Variants in SGCZ observed in about 807,000 individuals in gnomAD.
SGCZ encodes zeta-sarcoglycan.
In SGCZ, 40 loss-of-function variants were observed where a neutral mutation model predicts 41.3. The ratio of observed to expected loss-of-function variants is 0.97; its 90% CI spans 0.75 to 1.26. The LOEUF (loss-of-function observed/expected upper bound fraction) is 1.26, where lower values mean the gene tolerates loss of function less well. Ranked by LOEUF, SGCZ falls within the 50% of genes most tolerant of loss-of-function variation. The pLI is 0.00. For missense variants in SGCZ, 552 were observed against 369.8 expected, an observed-to-expected ratio of 1.49 and a Z score of -4.04; for synonymous variants, 206 against 137.5, an observed-to-expected ratio of 1.50 and a Z score of -3.49.
At chr8:14,973,109 A>T (rs1801354114) in intron 1 of SGCZ, among the ~76,000 whole-genome samples, 1 of 152,258 alleles carries the variant, frequency 6.6e-6, no homozygotes, top group East Asian at 1.9e-4. Context: ...TTCTTAAATA[A>T]TTTACTTTAG....
In SGCZ at chr8:14,324,169, T is replaced by A. The variant is rs764231571; in HGVS notation, c.270A>T (p.Gly90=). 1 of 1,613,102 alleles carries A rather than the reference T, an allele frequency of 6.2e-7. No individual in the cohort carries two copies. Among genetic ancestry groups the A allele is most frequent in the Non-Finnish European group, 8.5e-7 (1 of 1,179,472 alleles). ...GMGNLRVTKK[G]IRLEGISEFL... is the part of the protein sequence containing the mutation. ...ACTCAGATATACCTTCAAGTCGGAT[T>A]CCCTTCTTGGTGACTCTCAGATTTC... Residue 90 remains glycine (G), a synonymous_variant, in exon 3 of 8, where the codon GGA becomes GGT. Coordinates refer to ENST00000382080, the MANE Select transcript of SGCZ (RefSeq NM_139167.4).
At chr8:15,233,045 G>C (rs1339848277) in intron 1 of SGCZ, among the ~76,000 whole-genome samples, 1 of 151,590 alleles carries the variant, frequency 6.6e-6, no homozygotes, top group Non-Finnish European at 1.5e-5. Context: ...TTGCTATTTT[G>C]TAAAGTGAAT....
intron 1 of SGCZ, among the ~76,000 whole-genome samples, chr8:15,150,812 T>C (rs953815641): frequency 6.6e-6 from 1 of 152,212 alleles, no homozygotes; most frequent in African/African-American, 2.4e-5. Context: ...GCTAAGGCTG[T>C]GGTTTTTTTG....
chr8:14,470,447 A>C (rs565669639), intron 2 of SGCZ, among the ~76,000 whole-genome samples: 1 of 152,242 alleles, frequency 6.6e-6, no homozygotes, highest in Middle Eastern at 3.4e-3. Flanking sequence ...AGGAAGGAAC[A>C]AATTCTTATA....
chr8:15,020,775 A>G (rs369001123), intron 1 of SGCZ, among the ~76,000 whole-genome samples: 2 of 152,206 alleles, frequency 1.3e-5, no homozygotes, highest in African/African-American at 4.8e-5. Flanking sequence ...AAAGTAGCTA[A>G]CACAACAGTG....
intron 1 of SGCZ, among the ~76,000 whole-genome samples, chr8:15,098,020 C>G (rs192512006): frequency 1.3e-5 from 2 of 151,098 alleles, no homozygotes; most frequent in African/African-American, 4.9e-5. Flanking sequence ...ACCTGGCTAA[C>G]CTTGGGAATT....
At chr8:15,077,902 G>A (rs887340769) in intron 1 of SGCZ, among the ~76,000 whole-genome samples, 1 of 152,074 alleles carries the variant, frequency 6.6e-6, no homozygotes, top group Non-Finnish European at 1.5e-5. Context: ...ATAAGGAAGT[G>A]TCCCCAGAGA....
intron 1 of SGCZ, among the ~76,000 whole-genome samples, chr8:14,889,445 A>C (rs1286438757): frequency 6.6e-6 from 1 of 152,172 alleles, no homozygotes; most frequent in Non-Finnish European, 1.5e-5. Context: ...AGGATGTGCA[A>C]TTCATGTTAT....
chr8:14,766,518 C>T (rs942342215), intron 1 of SGCZ, among the ~76,000 whole-genome samples: 9 of 151,974 alleles, frequency 5.9e-5, no homozygotes, highest in African/African-American at 2.2e-4. Context: ...ATCAAAAAGA[C>T]AATAATACTT....
At chr8:14,135,812 G>C (rs1287339904) in intron 5 of SGCZ, among the ~76,000 whole-genome samples, 1 of 152,092 alleles carries the variant, frequency 6.6e-6, no homozygotes, top group Admixed American at 6.6e-5. Context: ...CTAGTTTTAT[G>C]AGATTGGTAG....
At chr8:14,770,863 G>A (rs1309168111) in intron 1 of SGCZ, among the ~76,000 whole-genome samples, 1 of 152,002 alleles carries the variant, frequency 6.6e-6, no homozygotes, top group Admixed American at 6.6e-5. Flanking sequence ...AGGGAATCAA[G>A]GCAAGGCATC....
intron 3 of SGCZ, among the ~76,000 whole-genome samples, chr8:14,275,981 T>G (rs985564566): frequency 7.2e-5 from 11 of 152,204 alleles, no homozygotes; most frequent in South Asian, 2.1e-4. Flanking sequence ...CAAAAACTGT[T>G]CACAGTGTCT....
chr8:14,369,689 A>G (rs1406057869), intron 2 of SGCZ, among the ~76,000 whole-genome samples: 1 of 152,036 alleles, frequency 6.6e-6, no homozygotes, highest in Non-Finnish European at 1.5e-5. Context: ...GTAATCAAGT[A>G]TGTTACAAAA....
intron 2 of SGCZ, among the ~76,000 whole-genome samples, chr8:14,428,596 A>T (rs373885783): frequency 6.6e-6 from 1 of 152,358 alleles, no homozygotes; most frequent in East Asian, 1.9e-4. Context: ...GATCCGTGAA[A>T]GTTTACTTTG....
intron 1 of SGCZ, among the ~76,000 whole-genome samples, chr8:14,773,928 A>AT (rs1800322959): frequency 6.6e-6 from 1 of 152,296 alleles, no homozygotes; most frequent in South Asian, 2.1e-4. Context: ...ACAGGCAATT[A>AT]TTTTTTATCT....
chr8:14,626,710 G>GA (rs1806467810), intron 1 of SGCZ, among the ~76,000 whole-genome samples: 1 of 152,044 alleles, frequency 6.6e-6, no homozygotes, highest in Non-Finnish European at 1.5e-5. Context: ...CAAAAAATCA[G>GA]AAAAATTGCT....
chr8:14,806,666 G>T (rs994354094), intron 1 of SGCZ, among the ~76,000 whole-genome samples: 10 of 152,038 alleles, frequency 6.6e-5, no homozygotes, highest in African/African-American at 9.7e-5. Flanking sequence ...GGAGGAACTG[G>T]TACCATTCCT....
intron 1 of SGCZ, among the ~76,000 whole-genome samples, chr8:14,794,849 C>T (rs1201095194): frequency 6.6e-6 from 1 of 152,144 alleles, no homozygotes; most frequent in African/African-American, 2.4e-5. Flanking sequence ...TGAACAGGAA[C>T]ACTACAGCAT....
intron 2 of SGCZ, among the ~76,000 whole-genome samples, chr8:14,421,025 G>T (rs1012787417): frequency 2.6e-5 from 4 of 152,032 alleles, no homozygotes; most frequent in African/African-American, 7.2e-5. Context: ...TGAAATAAAG[G>T]TGCCCCAAAG....
Sources: gnomAD v4.1 joint callset for allele counts (sites outside exome capture counted in the v4.1 genomes callset) on GRCh38, gnomAD v4.1.1 for gene constraint, MANE v1.5 for transcripts, NCBI Gene and HGNC (gene_info 2026-07-23, HGNC 2026-07-21) for gene names.